IMMP1L: variants seen among roughly 807,000 people sequenced by gnomAD.
IMMP1L encodes inner mitochondrial membrane peptidase subunit 1, also known as mitochondrial inner membrane protease subunit 1.
In IMMP1L, 24 loss-of-function variants were observed where a neutral mutation model predicts 21.8. The ratio of observed to expected loss-of-function variants is 1.10; its 90% CI spans 0.80 to 1.55. The LOEUF (loss-of-function observed/expected upper bound fraction) is 1.55, where lower values mean the gene tolerates loss of function less well. Ranked by LOEUF, IMMP1L falls within the 40% of genes most tolerant of loss-of-function variation. The pLI, the probability that IMMP1L is intolerant of heterozygous loss-of-function variation, is 0.00. For missense variants in IMMP1L, 195 were observed against 200.7 expected, an observed-to-expected ratio of 0.97 and a Z score of 0.17; for synonymous variants, 46 against 62.8, an observed-to-expected ratio of 0.73 and a Z score of 1.26.
Position 31,435,037 on chromosome 11 carries a change from G to A in IMMP1L, c.322-1467C>T, listed in dbSNP as rs565326202. ...GAAGTGTTATTTGATAAAGCTATAA[G>A]GTGAACATCTTTCGTGTCTAAATTT... On this transcript the variant is annotated intron_variant, in intron 4 of 5. Transcript: ENST00000532287. 1.5e-4 allele frequency among the ~76,000 whole-genome samples: 23 copies of A among 152,204 alleles called. No individual in the cohort carries two copies. In the South Asian group the frequency reaches 4.4e-3, roughly 29 times the overall value.
intron 1 of IMMP1L, among the ~76,000 whole-genome samples, chr11:31,479,207 G>A (rs888593865): frequency 3.3e-5 from 5 of 151,916 alleles, no homozygotes; most frequent in African/African-American, 1.2e-4. Context: ...TTGCAATATG[G>A]CTTACTTGAC....
intron 4 of IMMP1L, chr11:31,437,228 G>A: frequency 5.0e-6 from 2 of 397,952 alleles, no homozygotes; most frequent in African/African-American, 2.1e-5. Flanking sequence ...GATATCCAGG[G>A]GAAGAGACCC....
intron 1 of IMMP1L, among the ~76,000 whole-genome samples, chr11:31,481,711 C>T (rs1954896086): frequency 6.6e-6 from 1 of 151,758 alleles, no homozygotes; most frequent in Non-Finnish European, 1.5e-5. Context: ...ATGTTCATAA[C>T]TTGCACAAGA....
At position 31,476,175 on chromosome 11, in the gene IMMP1L, T is replaced by C. The variant is rs566114830; in HGVS notation, c.-29-12870A>G. On this transcript the variant is annotated intron_variant, in intron 1 of 5. Coordinates refer to ENST00000532287, the MANE Select transcript of IMMP1L (RefSeq NM_001304274.2). ...TTAGTCCACTTATTTACTTCATGGA[T>C]AGCTTTTTTCATCATAATAAAATAA... Among the ~76,000 whole-genome samples, 8 of 152,074 alleles carry C rather than the reference T, an allele frequency of 5.3e-5. No individual in the cohort carries two copies. In the South Asian group the frequency reaches 8.3e-4, roughly 16 times the overall value.
chr11:31,473,235 G>A (rs899886453), intron 1 of IMMP1L, among the ~76,000 whole-genome samples: 1 of 152,116 alleles, frequency 6.6e-6, no homozygotes, highest in Non-Finnish European at 1.5e-5. Context: ...ATTTTTAGTA[G>A]AGACGGGATT....
chr11:31,477,056 T>TC (rs1954751809), intron 1 of IMMP1L: 1 of 152,090 alleles, frequency 6.6e-6, no homozygotes, highest in African/African-American at 2.4e-5. Flanking sequence ...AAAAGCCCTT[T>TC]CATCAGCAGT....
intron 4 of IMMP1L, among the ~76,000 whole-genome samples, chr11:31,454,627 G>A (rs1485694188): frequency 1.3e-5 from 2 of 151,964 alleles, no homozygotes; most frequent in African/African-American, 4.8e-5. Flanking sequence ...CAATTATTAT[G>A]CATCAATTAA....
intron 1 of IMMP1L, among the ~76,000 whole-genome samples, chr11:31,502,671 A>G (rs748861951): frequency 6.6e-6 from 1 of 152,228 alleles, no homozygotes; most frequent in Non-Finnish European, 1.5e-5. Context: ...AACATCACAC[A>G]TGCTTTAACA....
intron 4 of IMMP1L, chr11:31,437,121 T>A (rs960861502): frequency 2.3e-6 from 1 of 444,376 alleles, no homozygotes. Context: ...TCCACCTCTA[T>A]AAGTTGCAGG....
At chr11:31,466,274 T>C (rs1954342490) in intron 1 of IMMP1L, among the ~76,000 whole-genome samples, 1 of 152,046 alleles carries the variant, frequency 6.6e-6, no homozygotes, top group Non-Finnish European at 1.5e-5. Context: ...GGCAAGGATG[T>C]GGAGAAAAGA....
rs1565002609 is a variant in IMMP1L at position 31,485,185 on chromosome 11, G to GT, written c.-29-21881dup. Among the ~76,000 whole-genome samples, 3 of 151,840 alleles carry GT rather than the reference G, an allele frequency of 2.0e-5. No individual in the cohort carries two copies. The South Asian group carries it at 6.2e-4, about 32-fold the overall frequency. On this transcript the variant is annotated intron_variant, in intron 1 of 5. Coordinates refer to ENST00000532287, the MANE Select transcript of IMMP1L (RefSeq NM_001304274.2). ...TGTTACTTCTATATTTTTTAAAGCC[G>GT]TAATTTCAAAGGTGATTTAACCTTT...
At chr11:31,497,654 G>A (rs1187514882) in intron 1 of IMMP1L, among the ~76,000 whole-genome samples, 1 of 152,080 alleles carries the variant, frequency 6.6e-6, no homozygotes, top group Non-Finnish European at 1.5e-5. Flanking sequence ...TAGAGACGGG[G>A]TTTCAGCATG....
chr11:31,442,711 C>T (rs146890729), intron 4 of IMMP1L, among the ~76,000 whole-genome samples: 8 of 152,078 alleles, frequency 5.3e-5, no homozygotes, highest in African/African-American at 1.9e-4. Flanking sequence ...AAGAAACAAA[C>T]AAAATTATGA....
intron 1 of IMMP1L, among the ~76,000 whole-genome samples, chr11:31,466,678 T>G (rs898656584): frequency 5.3e-5 from 8 of 152,006 alleles, no homozygotes; most frequent in African/African-American, 1.9e-4. Flanking sequence ...ATACCTTATG[T>G]TTTCACTCAT....
At chr11:31,506,508 G>C (rs902097729) in intron 1 of IMMP1L, among the ~76,000 whole-genome samples, 3 of 151,860 alleles carry the variant, frequency 2.0e-5, no homozygotes, top group Non-Finnish European at 4.4e-5. Flanking sequence ...GGAATTACAC[G>C]CATGAGTCAC....
intron 1 of IMMP1L, among the ~76,000 whole-genome samples, chr11:31,475,185 A>G (rs1011163840): frequency 1.8e-4 from 28 of 152,216 alleles, no homozygotes; most frequent in African/African-American, 6.3e-4. Flanking sequence ...TTTCACATAT[A>G]ACCAAAATTG....
chr11:31,494,713 C>A (rs996695663), intron 1 of IMMP1L, among the ~76,000 whole-genome samples: 1 of 151,932 alleles, frequency 6.6e-6, no homozygotes, highest in Admixed American at 6.6e-5. Flanking sequence ...GTGATCTAGG[C>A]TCACTGCAAG....
chr11:31,457,355 T>C (rs962182230), intron 3 of IMMP1L, among the ~76,000 whole-genome samples: 9 of 152,030 alleles, frequency 5.9e-5, no homozygotes, highest in African/African-American at 1.4e-4. Context: ...GGAAGAAAGA[T>C]AGAACGTAGG....
chr11:31,456,183 T>G, intron 4 of IMMP1L, 77 bp downstream of exon 4: 2 of 1,010,286 alleles, frequency 2.0e-6, no homozygotes, highest in Non-Finnish European at 2.8e-6. Context: ...TGAATAAACA[T>G]TATTTTCTTT....
Sources: allele counts gnomAD v4.1 joint callset (sites outside exome capture counted in the v4.1 genomes callset), GRCh38; gene constraint gnomAD v4.1.1; transcripts MANE v1.5; gene names NCBI Gene and HGNC (gene_info 2026-07-23, HGNC 2026-07-21).